Variants in CENPW observed in about 807,000 individuals in gnomAD.
CENPW encodes the protein cancer-up-regulated gene 2 protein.
In CENPW, 3 loss-of-function variants were observed where a neutral mutation model predicts 11.1. That is an observed-to-expected ratio of 0.27 (90% CI 0.12 to 0.70). The LOEUF is 0.70. Ranked by LOEUF, CENPW falls within the 30% of genes least tolerant of loss-of-function variation. The pLI is 0.77. For missense variants in CENPW, 100 were observed against 105.6 expected (o/e 0.95, Z 0.23); for synonymous variants, 38 against 42.0 (o/e 0.91, Z 0.37).
the CENPW span, among the ~76,000 whole-genome samples, chr6:126,400,507 A>G: frequency 2.0e-5 from 3 of 152,008 alleles, no homozygotes; most frequent in Admixed American, 2.0e-4. Flanking sequence ...AACTCAGTGA[A>G]GTGACATCAC....
chr6:126,392,617 G>A, the CENPW span, among the ~76,000 whole-genome samples: 2 of 151,860 alleles, frequency 1.3e-5, no homozygotes, highest in African/African-American at 4.8e-5. Context: ...TGATTTGCAT[G>A]TGTTGAACCA....
At chr6:126,447,651 G>T in the CENPW span, among the ~76,000 whole-genome samples, 7 of 151,150 alleles carry the variant, frequency 4.6e-5, no homozygotes, top group Non-Finnish European at 8.9e-5. Flanking sequence ...CCTTTGTCCT[G>T]AGCAGCTTGC....
intron 1 of CENPW, 178 bp downstream of exon 1, chr6:126,340,577 T>G: frequency 1.2e-6 from 1 of 840,750 alleles, no homozygotes; most frequent in Non-Finnish European, 1.8e-6. Context: ...TTCATATTCC[T>G]GGCGCTCAGT....
At chr6:126,382,864 A>T in the CENPW span, among the ~76,000 whole-genome samples, 5 of 152,216 alleles carry the variant, frequency 3.3e-5, no homozygotes, top group Admixed American at 6.5e-5. Flanking sequence ...AATACATTTC[A>T]GGTTATCATC....
the CENPW span, among the ~76,000 whole-genome samples, chr6:126,360,240 G>C: frequency 1.3e-5 from 2 of 152,196 alleles, no homozygotes; most frequent in Admixed American, 6.5e-5. Flanking sequence ...CAAGGATGCT[G>C]AAAATAGGTT....
chr6:126,394,562 C>T, the CENPW span, among the ~76,000 whole-genome samples: 7 of 152,064 alleles, frequency 4.6e-5, no homozygotes. Context: ...GAGGAGTTTA[C>T]ACACCACAAT....
At chr6:126,470,817 C>T in the CENPW span, among the ~76,000 whole-genome samples, 3 of 152,220 alleles carry the variant, frequency 2.0e-5, no homozygotes, top group African/African-American at 7.2e-5. Flanking sequence ...ATGATGGCCT[C>T]ACTGAATTTT....
chr6:126,438,812 T>C, the CENPW span, among the ~76,000 whole-genome samples: 28 of 151,732 alleles, frequency 1.8e-4, no homozygotes, highest in Non-Finnish European at 3.1e-4. Context: ...ATTGAAAATA[T>C]TTTAAAGTAC....
the CENPW span, among the ~76,000 whole-genome samples, chr6:126,364,187 T>C: frequency 2.6e-5 from 4 of 152,156 alleles, no homozygotes; most frequent in Non-Finnish European, 5.9e-5. Flanking sequence ...ACAAAATGCA[T>C]TGCTATCCTA....
chr6:126,374,137 A>G, the CENPW span, among the ~76,000 whole-genome samples: 2 of 152,192 alleles, frequency 1.3e-5, no homozygotes, highest in African/African-American at 4.8e-5. Flanking sequence ...GCATATGCAA[A>G]AATGTACTGG....
At chr6:126,427,458 A>G in the CENPW span, among the ~76,000 whole-genome samples, 1 of 152,150 alleles carries the variant, frequency 6.6e-6, no homozygotes, top group African/African-American at 2.4e-5. Flanking sequence ...CACCTAAAAC[A>G]TCTACCAGCT....
At chr6:126,350,512 G>A (rs1461819475), downstream of CENPW, among the ~76,000 whole-genome samples, 5 of 152,090 alleles carry the variant, frequency 3.3e-5, no homozygotes, top group Admixed American at 2.6e-4. Flanking sequence ...CCCAAAGGTC[G>A]TTCCTCCTAA....
chr6:126,451,428 T>C, the CENPW span, among the ~76,000 whole-genome samples: 1 of 151,096 alleles, frequency 6.6e-6, no homozygotes, highest in African/African-American at 2.4e-5. Flanking sequence ...GATTTGGGCA[T>C]ATGTGAAGAA....
At chr6:126,481,622 G>A in the CENPW span, among the ~76,000 whole-genome samples, 3 of 152,078 alleles carry the variant, frequency 2.0e-5, no homozygotes, top group African/African-American at 7.2e-5. Context: ...TGTGGGCAGA[G>A]TCCTTATAAC....
At chr6:126,409,139 G>A in the CENPW span, among the ~76,000 whole-genome samples, 7 of 152,002 alleles carry the variant, frequency 4.6e-5, no homozygotes, top group South Asian at 2.1e-4. Flanking sequence ...AGGTTTAGTC[G>A]TTTTAAGAAA....
the CENPW span, among the ~76,000 whole-genome samples, chr6:126,404,362 T>G: frequency 6.6e-6 from 1 of 152,124 alleles, no homozygotes; most frequent in East Asian, 1.9e-4. Context: ...CTAATGGATC[T>G]GAGCAAACTA....
chr6:126,417,067 A>G, the CENPW span, among the ~76,000 whole-genome samples: 1 of 152,222 alleles, frequency 6.6e-6, no homozygotes, highest in Non-Finnish European at 1.5e-5. Flanking sequence ...CTTCAAAGCC[A>G]CAGGGGTGGA....
the CENPW span, among the ~76,000 whole-genome samples, chr6:126,412,566 T>C: frequency 1.3e-5 from 2 of 152,120 alleles, no homozygotes; most frequent in African/African-American, 2.4e-5. Flanking sequence ...GTTGAGCTTT[T>C]TCATTGTGTG....
downstream of CENPW, among the ~76,000 whole-genome samples, chr6:126,349,149 A>G (rs1307305392): frequency 6.6e-6 from 1 of 152,118 alleles, no homozygotes; most frequent in Non-Finnish European, 1.5e-5. Context: ...ATTATGTATC[A>G]TCAAATAGTT....
Sources: allele counts gnomAD v4.1 joint callset (sites outside exome capture counted in the v4.1 genomes callset), GRCh38; gene constraint gnomAD v4.1.1; transcripts MANE v1.5; gene names NCBI Gene and HGNC (gene_info 2026-07-23, HGNC 2026-07-21).